Variants in TJP2 observed in about 807,000 individuals in gnomAD.
TJP2 encodes tight junction protein 2, also known as Friedreich ataxia region gene X104 (tight junction protein ZO-2).
In TJP2, 91 loss-of-function variants were observed where a neutral mutation model predicts 133.1. That is an observed-to-expected ratio of 0.68 (90% CI 0.58 to 0.81). The LOEUF is 0.81. Among genes scored for constraint, TJP2 ranks in the 40% least tolerant of loss-of-function variants. TJP2 has a pLI of 0.00. For missense variants in TJP2, 1,541 were observed against 1,565.6 expected, an observed-to-expected ratio of 0.98 and a Z score of 0.26; for synonymous variants, 592 against 583.4, an observed-to-expected ratio of 1.01 and a Z score of -0.21.
intron 5 of TJP2, among the ~76,000 whole-genome samples, chr9:69,223,609 T>C (rs1191960837): frequency 6.6e-6 from 1 of 152,072 alleles, no homozygotes; most frequent in African/African-American, 2.4e-5. Context: ...GCTTGGCCAA[T>C]GAGTGCATTT....
intron 1 of TJP2, among the ~76,000 whole-genome samples, chr9:69,187,307 T>C (rs901801191): frequency 8.5e-5 from 13 of 152,210 alleles, no homozygotes; most frequent in African/African-American, 3.1e-4. Context: ...GTTGACCTGA[T>C]TGGATTATAT....
At chr9:69,183,636 G>A (rs1232404746) in intron 1 of TJP2, among the ~76,000 whole-genome samples, 1 of 152,172 alleles carries the variant, frequency 6.6e-6, no homozygotes, top group Non-Finnish European at 1.5e-5. Context: ...AAGCTGCCAT[G>A]AAAAGCACCT....
intron 5 of TJP2, among the ~76,000 whole-genome samples, chr9:69,222,282 T>C (rs933619381): frequency 1.3e-5 from 2 of 151,888 alleles, no homozygotes; most frequent in African/African-American, 4.8e-5. Flanking sequence ...GTTCAAGTGA[T>C]TCTCCTGCCT....
chr9:69,211,368 T>TA lies in TJP2; in HGVS notation c.61-1179dup, dbSNP rs139445102. ...AACAAAACAAAACAAAAAACCAACA[T>TA]ATACACATATTATAGATACTCCATT... On this transcript the variant is annotated intron_variant, in intron 1 of 22. Transcript: ENST00000377245. Among the ~76,000 whole-genome samples the TA allele has an allele frequency of 6.2e-3, 940 of 152,212 alleles. 9 individuals are homozygous for TA. The highest frequency in any genetic ancestry group is 0.021 in the African/African-American group (892 of 41,538).
At chr9:69,140,050 T>C (rs901095651) in intron 1 of TJP2, among the ~76,000 whole-genome samples, 2 of 152,334 alleles carry the variant, frequency 1.3e-5, no homozygotes, top group Middle Eastern at 3.4e-3. Flanking sequence ...CCTGGCCTCC[T>C]TCTTTCCTCC....
upstream of TJP2, chr9:69,174,142 GT>G: frequency 1.6e-6 from 2 of 1,254,320 alleles, no homozygotes; most frequent in Non-Finnish European, 2.0e-6. Context: ...CAATTTGACA[GT>G]TTCCCGGGCC....
intron 19 of TJP2, 178 bp from the exon 20 acceptor site, chr9:69,249,197 T>G (rs1251378768): frequency 1.0e-5 from 10 of 985,396 alleles, no homozygotes; most frequent in Non-Finnish European, 3.6e-6. Flanking sequence ...TGCAGCCAGT[T>G]TTTAAAAATG....
intron 1 of TJP2, among the ~76,000 whole-genome samples, chr9:69,182,120 G>A (rs1564410326): frequency 6.6e-6 from 1 of 152,174 alleles, no homozygotes; most frequent in Non-Finnish European, 1.5e-5. Context: ...GGTCACTGCT[G>A]CAAAAAACCA....
rs754540106 is a variant in TJP2 at position 69,254,339 on chromosome 9, G to A, written c.3538G>A (p.Gly1180Ser). 7 of 1,614,136 alleles carry A rather than the reference G, an allele frequency of 4.3e-6. No homozygotes were observed. The South Asian group carries it at 7.7e-5, about 18-fold the overall frequency. ...AGAACACTCCAAGCGCGGTTACTAT[G>A]GCCAGTCTGCCCGATACCGGGACAC... ...LSEHSKRGYY[G>S]QSARYRDTEL Residue 1180 changes from glycine to serine, a missense_variant, in exon 23 of 23, where the codon GGC becomes AGC. Gly to Ser is a moderately conservative substitution (Grantham distance 56). Coordinates refer to ENST00000377245, the MANE Select transcript of TJP2 (RefSeq NM_004817.4).
chr9:69,157,559 G>A (rs1246237386), intron 2 of TJP2, among the ~76,000 whole-genome samples: 3 of 150,290 alleles, frequency 2.0e-5, no homozygotes, highest in Middle Eastern at 3.2e-3. Context: ...TCCACCTCCC[G>A]GGTTCAAGCA....
intron 1 of TJP2, among the ~76,000 whole-genome samples, chr9:69,151,480 CAA>C (rs141276955): frequency 7.1e-5 from 9 of 126,220 alleles, no homozygotes; most frequent in East Asian, 2.5e-4. Context: ...AACTCCGTCT[CAA>C]AAAAAAAAAA....
chr9:69,224,766 A>G (rs959432521), intron 5 of TJP2, among the ~76,000 whole-genome samples: 2 of 151,940 alleles, frequency 1.3e-5, no homozygotes, highest in African/African-American at 2.4e-5. Flanking sequence ...ATTTTGCCAC[A>G]CTTTCTTTTT....
intron 18 of TJP2, among the ~76,000 whole-genome samples, chr9:69,247,352 G>A (rs1302927077): frequency 6.6e-6 from 1 of 152,228 alleles, no homozygotes; most frequent in Non-Finnish European, 1.5e-5. Flanking sequence ...AGGGAGGAGA[G>A]AGGGAGATTC....
intron 1 of TJP2, among the ~76,000 whole-genome samples, chr9:69,139,973 C>T (rs73647089): frequency 0.019 from 2,889 of 152,252 alleles, 99 homozygotes; most frequent in African/African-American, 0.066. Context: ...AGCAAGTAGG[C>T]GACCGCTGCC....
At chr9:69,212,471 AT>A in intron 1 of TJP2, 76 bp from the exon 2 acceptor site, 1 of 1,130,876 alleles carries the variant, frequency 8.8e-7, no homozygotes. Context: ...ATGTCGAGGC[AT>A]TTTGAATGAT....
chr9:69,123,186 C>T (rs2133209919), intron 1 of TJP2, among the ~76,000 whole-genome samples: 1 of 152,264 alleles, frequency 6.6e-6, no homozygotes, highest in South Asian at 2.1e-4. Flanking sequence ...GTATTTGAAT[C>T]TTTGTTTTGC....
intron 17 of TJP2, among the ~76,000 whole-genome samples, chr9:69,241,159 C>T (rs756115245): frequency 6.6e-5 from 10 of 152,072 alleles, no homozygotes; most frequent in African/African-American, 1.4e-4. Context: ...TTTTTAAGTC[C>T]ATGAAATGAA....
chr9:69,211,161 A>G (rs972818786), intron 1 of TJP2, among the ~76,000 whole-genome samples: 3 of 152,214 alleles, frequency 2.0e-5, no homozygotes, highest in African/African-American at 7.2e-5. Flanking sequence ...AACATGGTGA[A>G]GCCCCATCTC....
chr9:69,211,661 C>T lies in TJP2; in HGVS notation c.61-887C>T, dbSNP rs1045274310. 1.4e-4 allele frequency among the ~76,000 whole-genome samples: 22 copies of T among 152,164 alleles called. No homozygotes were observed. In the East Asian group the frequency reaches 2.1e-3, roughly 15 times the overall value. Reference sequence around the variant, plus strand: ...GGTGTGGTCACGTCTGTAATATGAACGCCCAAACCTGTGTGAATACAGGTC... The same window carrying T: ...GGTGTGGTCACGTCTGTAATATGAATGCCCAAACCTGTGTGAATACAGGTC... On this transcript the variant is annotated intron_variant, in intron 1 of 22. Transcript: ENST00000377245.
Sources: allele counts gnomAD v4.1 joint callset (sites outside exome capture counted in the v4.1 genomes callset), GRCh38; gene constraint gnomAD v4.1.1; transcripts MANE v1.5; gene names NCBI Gene and HGNC (gene_info 2026-07-23, HGNC 2026-07-21).